The following KLF12 variants were observed in gnomAD, a reference collection of about 807,000 sequenced individuals.
KLF12 encodes KLF transcription factor 12.
A neutral mutation model predicts 37.8 loss-of-function variants in KLF12; 9 were observed. The ratio of observed to expected loss-of-function variants is 0.24; its 90% CI spans 0.14 to 0.42. The LOEUF (loss-of-function observed/expected upper bound fraction) is 0.42, where lower values mean the gene tolerates loss of function less well. Among genes scored for constraint, KLF12 ranks in the 10% least tolerant of loss-of-function variants. The pLI is 1.00. For missense variants in KLF12, 411 were observed against 516.0 expected (o/e 0.80, Z 1.97); for synonymous variants, 208 against 202.1 (o/e 1.03, Z -0.25).
intron 5 of KLF12, among the ~76,000 whole-genome samples, chr13:73,772,490 C>T (rs1372658403): frequency 6.6e-6 from 1 of 152,158 alleles, no homozygotes; most frequent in Non-Finnish European, 1.5e-5. Flanking sequence ...GAAGGAGGTA[C>T]ACTTTAAAGG....
At chr13:73,824,984 G>T (rs1036142830) in intron 4 of KLF12, among the ~76,000 whole-genome samples, 1 of 151,906 alleles carries the variant, frequency 6.6e-6, no homozygotes, top group African/African-American at 2.4e-5. Flanking sequence ...TAGGAGAATC[G>T]CTTGAACCCA....
At chr13:73,798,464 C>T (rs193205733) in intron 5 of KLF12, among the ~76,000 whole-genome samples, 8 of 152,084 alleles carry the variant, frequency 5.3e-5, no homozygotes, top group African/African-American at 7.2e-5. Flanking sequence ...AAAAGACCAT[C>T]GATGGAGTAA....
chr13:73,964,492 G>A (rs551803530), intron 2 of KLF12, among the ~76,000 whole-genome samples: 5 of 151,932 alleles, frequency 3.3e-5, no homozygotes, highest in South Asian at 2.1e-4. Context: ...TAGGTCAGCC[G>A]AGCACGGTGG....
intron 1 of KLF12, among the ~76,000 whole-genome samples, chr13:74,002,145 T>C (rs1313630660): frequency 6.6e-6 from 1 of 152,224 alleles, no homozygotes; most frequent in Admixed American, 6.5e-5. Flanking sequence ...GCTGAATTCA[T>C]CAACCCAAGT....
rs75775204 is a variant in KLF12, at chr13:73,955,527, A to G, written c.34-11457T>C. Among the ~76,000 whole-genome samples, 499 of 152,334 alleles carry G rather than the reference A, an allele frequency of 3.3e-3. 3 individuals are homozygous for G. Among genetic ancestry groups the G allele is most frequent in the Non-Finnish European group, 6.0e-3 (411 of 68,016 alleles). ...ATTACACAGAAATACAAGTCACTTC[A>G]TCCTAATGAGGACATCTAATGTTTT... On this transcript the variant is annotated intron_variant, in intron 2 of 7. Transcript: ENST00000377669.
At chr13:74,199,323 A>T in the KLF12 span, among the ~76,000 whole-genome samples, 3 of 152,242 alleles carry the variant, frequency 2.0e-5, no homozygotes, top group Non-Finnish European at 2.9e-5. Context: ...ATATACTTCA[A>T]TTCAACAGTC....
chr13:73,918,687 G>T (rs1249745190), intron 3 of KLF12, among the ~76,000 whole-genome samples: 1 of 152,108 alleles, frequency 6.6e-6, no homozygotes, highest in Admixed American at 6.6e-5. Flanking sequence ...AAGAAAGGAT[G>T]CCAGTAACAG....
At chr13:74,012,377 C>T (rs933985553) in intron 1 of KLF12, among the ~76,000 whole-genome samples, 1 of 152,164 alleles carries the variant, frequency 6.6e-6, no homozygotes, top group Non-Finnish European at 1.5e-5. Flanking sequence ...CCCAGAGGAC[C>T]AGAAATATAA....
intron 3 of KLF12, among the ~76,000 whole-genome samples, chr13:73,849,313 A>G (rs529956956): frequency 7.1e-6 from 1 of 140,136 alleles, no homozygotes; most frequent in Admixed American, 7.8e-5. Flanking sequence ...CAGGAGGTGG[A>G]GGCTGCAGTG....
chr13:73,838,576 T>C (rs1884563786), intron 4 of KLF12, among the ~76,000 whole-genome samples: 1 of 152,168 alleles, frequency 6.6e-6, no homozygotes, highest in South Asian at 2.1e-4. Flanking sequence ...AATAATGCAT[T>C]TGGACCTATA....
intron 3 of KLF12, among the ~76,000 whole-genome samples, chr13:73,908,715 G>A (rs1474393056): frequency 6.6e-6 from 1 of 151,972 alleles, no homozygotes; most frequent in African/African-American, 2.4e-5. Context: ...CCTGACCTCA[G>A]GTGATCTGCC....
intron 1 of KLF12, among the ~76,000 whole-genome samples, chr13:74,027,222 C>T (rs779629589): frequency 5.3e-5 from 8 of 152,096 alleles, no homozygotes; most frequent in African/African-American, 1.4e-4. Flanking sequence ...TGAAGAAATA[C>T]GAAGGCAATG....
intron 3 of KLF12, among the ~76,000 whole-genome samples, chr13:73,861,679 A>C (rs756801815): frequency 3.3e-5 from 5 of 151,922 alleles, no homozygotes; most frequent in Non-Finnish European, 5.9e-5. Flanking sequence ...ACTTTTTTTT[A>C]ATTTGTGGAA....
At chr13:74,023,554 A>C (rs535419026) in intron 1 of KLF12, among the ~76,000 whole-genome samples, 1 of 152,314 alleles carries the variant, frequency 6.6e-6, no homozygotes, top group African/African-American at 2.4e-5. Context: ...GGTGGTTCCA[A>C]TAATCGCTGG....
At chr13:74,087,410 C>A (rs1197058469) in intron 1 of KLF12, among the ~76,000 whole-genome samples, 1 of 151,978 alleles carries the variant, frequency 6.6e-6, no homozygotes, top group Non-Finnish European at 1.5e-5. Flanking sequence ...AGAGGAGAGG[C>A]TCAGTTTCAC....
chr13:73,779,083 A>G (rs1288896205), intron 5 of KLF12, among the ~76,000 whole-genome samples: 5 of 152,200 alleles, frequency 3.3e-5, no homozygotes, highest in Admixed American at 6.5e-5. Context: ...TATGTGTTGT[A>G]TAATAAAAAA....
chr13:73,883,229 C>CT (rs1887065262), intron 3 of KLF12, among the ~76,000 whole-genome samples: 1 of 152,046 alleles, frequency 6.6e-6, no homozygotes, highest in African/African-American at 2.4e-5. Context: ...TAGCAATAAA[C>CT]TCTTTAAAAA....
At chr13:73,778,378 C>T (rs1880755466) in intron 5 of KLF12, among the ~76,000 whole-genome samples, 1 of 152,014 alleles carries the variant, frequency 6.6e-6, no homozygotes, top group Non-Finnish European at 1.5e-5. Flanking sequence ...GTCAGGGTCT[C>T]CCTCTGTATG....
At chr13:74,156,027 T>A in the KLF12 span, among the ~76,000 whole-genome samples, 1 of 152,234 alleles carries the variant, frequency 6.6e-6, no homozygotes. Flanking sequence ...GTTGTGCCAC[T>A]TCTATGTTCA....
Sources: allele counts gnomAD v4.1 joint callset (sites outside exome capture counted in the v4.1 genomes callset), GRCh38; gene constraint gnomAD v4.1.1; transcripts MANE v1.5; gene names NCBI Gene and HGNC (gene_info 2026-07-23, HGNC 2026-07-21).